The following PDZD7 variants were observed in gnomAD, a reference collection of about 807,000 sequenced individuals.
The protein encoded by PDZD7 is PDZ domain containing 7, also known as PDZ domain-containing protein 7.
In PDZD7, 72 loss-of-function variants were observed where a neutral mutation model predicts 84.7. The observed-to-expected ratio is 0.85, with a 90% CI of 0.70 to 1.03. The LOEUF (loss-of-function observed/expected upper bound fraction) is 1.03. Ranked by LOEUF, PDZD7 falls within the 50% of genes least tolerant of loss-of-function variation. The pLI is 0.00. For synonymous variants in PDZD7, 594 were observed against 580.7 expected, an observed-to-expected ratio of 1.02 and a Z score of -0.33; for missense variants, 1,490 against 1,412.9, an observed-to-expected ratio of 1.05 and a Z score of -0.87.
At chr10:101,008,986 A>G in intron 16 of PDZD7, 136 bp from the exon 17 acceptor site, 4 of 1,179,086 alleles carry the variant, frequency 3.4e-6, no homozygotes, top group African/African-American at 1.5e-5. Flanking sequence ...ATGGACAATG[A>G]GACTTTTGTG....
rs376415049 is a variant in PDZD7, at chr10:101,013,039, A to G, written c.1750-781T>C. Among the ~76,000 whole-genome samples the G allele has an allele frequency of 1.2e-4, 18 of 152,344 alleles. No homozygotes were observed. In the South Asian group the frequency reaches 3.5e-3, roughly 30 times the overall value. On this transcript the variant is annotated intron_variant, in intron 11 of 16. Transcript: ENST00000619208. The stretch of plus-strand genomic sequence containing the variant: ...GAGACTGAGTCAGGGACACGCACGC[A>G]TAGAACACTTTCTATGGGCACAGGC...
At chr10:101,018,418 C>T in intron 8 of PDZD7, 122 bp from the exon 9 acceptor site, 1 of 1,064,990 alleles carries the variant, frequency 9.4e-7, no homozygotes, top group East Asian at 2.6e-5. Context: ...TCTGCAGCTA[C>T]GCCGGGGTGA....
chr10:101,025,301 C>G (rs1937624784), intron 2 of PDZD7, among the ~76,000 whole-genome samples: 1 of 152,006 alleles, frequency 6.6e-6, no homozygotes, highest in Non-Finnish European at 1.5e-5. Context: ...CTTCGGCCTC[C>G]CAGGTTTAAG....
rs750529096 is a variant in PDZD7 at position 101,015,694 on chromosome 10, A to G, written c.1691T>C (p.Leu564Pro). 7 of 1,550,442 alleles carry G rather than the reference A, an allele frequency of 4.5e-6. No individual in the cohort carries two copies. In the East Asian group the frequency reaches 1.5e-4, roughly 32 times the overall value. Residue 564 changes from leucine (L) to proline (P), a missense_variant, in exon 11 of 17, where the codon CTG becomes CCG. Transcript: ENST00000619208. The part of the protein sequence containing the change: ...WESRRPLIQD[L>P]AQRLLTDDEV... The stretch of plus-strand genomic sequence containing the variant: ...GTCATCAGTCAGCAGCCTCTGGGCC[A>G]GGTCCTGAATGAGGGGCCGCCGGCT...
At chr10:101,010,949 T>G in intron 14 of PDZD7, 66 bp from the exon 15 acceptor site, 23 of 1,502,248 alleles carry the variant, frequency 1.5e-5, no homozygotes, top group Non-Finnish European at 1.6e-5. Flanking sequence ...CTTGCTTTGG[T>G]TTGTGTGGGG....
intron 11 of PDZD7, among the ~76,000 whole-genome samples, chr10:101,013,710 G>T (rs573484398): frequency 5.9e-5 from 9 of 152,316 alleles, no homozygotes; most frequent in African/African-American, 1.9e-4. Context: ...GTGGGAAAGT[G>T]GAGGTTGGTG....
Position 101,030,165 on chromosome 10 carries a change from A to T in PDZD7, c.55T>A (p.Ser19Thr). 3.1e-6 allele frequency: 5 copies of T among 1,613,880 alleles called. No individual in the cohort carries two copies. Among genetic ancestry groups the T allele is most frequent in the Non-Finnish European group, 4.2e-6 (5 of 1,179,950 alleles). The change falls in exon 2 of 17, where the codon TCC becomes ACC. Residue 19 changes from serine to threonine, a missense_variant. Coordinates refer to ENST00000619208, the MANE Select transcript of PDZD7 (RefSeq NM_001195263.2). Reference protein sequence around the residue: ...FDPLGLGDLSSGSLSSLSSRG... With the variant: ...FDPLGLGDLSTGSLSSLSSRG... ...GAGGAGAGGGAGCTCAGAGAGCCGGAGCTCAGGTCTCCTAGGCCCAGTGGG... is the reference window on the plus strand; with the variant it reads ...GAGGAGAGGGAGCTCAGAGAGCCGGTGCTCAGGTCTCCTAGGCCCAGTGGG...
In PDZD7 at chr10:101,010,405, C is replaced by T. The variant is rs1439270701; in HGVS notation, c.2484G>A (p.Gly828=). The T allele has an allele frequency of 6.5e-7, 1 of 1,536,086 alleles. No homozygotes were observed. Among genetic ancestry groups the T allele is most frequent in the African/African-American group, 1.4e-5 (1 of 73,050 alleles). The change falls in exon 15 of 17, where the codon GGG becomes GGA. Residue 828 remains glycine (G), a synonymous_variant. Transcript: ENST00000619208. ...ARPPLPRPLD[G]EAAKVGAKQG... is the part of the protein sequence containing the mutation. ...GCTTGGCCCCCACCTTGGCTGCCTC[C>T]CCATCCAGAGGTCGTGGCAGAGGGG...
At chr10:101,015,604 G>A in intron 11 of PDZD7, 32 bp downstream of exon 11, 1 of 1,540,060 alleles carries the variant, frequency 6.5e-7, no homozygotes, top group Non-Finnish European at 8.8e-7. Flanking sequence ...GAAGGACCGT[G>A]TGCCAGGGCT....
chr10:101,020,588 C>A, intron 7 of PDZD7, 30 bp downstream of exon 7: 5 of 1,556,928 alleles, frequency 3.2e-6, no homozygotes, highest in Non-Finnish European at 4.3e-6. Context: ...AGCCCTTTCC[C>A]TCCAACCTTG....
rs76941691 is a variant in PDZD7, at chr10:101,018,174, C to T, written c.1447G>A (p.Asp483Asn). 1,262 of 1,614,236 alleles carry T rather than the reference C, an allele frequency of 7.8e-4. 5 individuals are homozygous for T. In the African/African-American group the frequency reaches 0.014, roughly 18 times the overall value. The change falls in exon 9 of 17, where the codon GAC (aspartate) becomes AAC (asparagine). Residue 483 changes from aspartate to asparagine, a missense_variant. Coordinates refer to ENST00000619208, the MANE Select transcript of PDZD7 (RefSeq NM_001195263.2). ...KGGRQGRLAR[D>N]GRREAWTLDS... The stretch of plus-strand genomic sequence containing the variant: ...AGTGTCCAGGCCTCTCTGCGCCCGT[C>T]CCGCGCTAGCCTCCCCTGCCGCCCT...
At chr10:101,009,213 T>C (rs1238509901) in intron 16 of PDZD7, 37 bp downstream of exon 16, 29 of 1,492,542 alleles carry the variant, frequency 1.9e-5, no homozygotes, top group Non-Finnish European at 2.4e-5. Context: ...GTTTCAGCTG[T>C]GCTCTGAGAG....
rs1853148878 is a variant in PDZD7, at chr10:101,022,189, C to G, written c.719+20G>C. The G allele has an allele frequency of 1.2e-6, 2 of 1,614,094 alleles. No individual in the cohort carries two copies. The highest frequency in any genetic ancestry group is 2.7e-5 in the African/African-American group (2 of 75,052). On this transcript the variant is annotated intron_variant, in intron 5 of 16. Transcript: ENST00000619208. ...CCATTCTCAGTTCTACCCGAAGACA[C>G]TTCCTGCCTCAGCCCTCACTTGGAC... is the stretch of plus-strand genomic sequence containing the variant.
At chr10:101,016,260 C>G (rs1223356168) in intron 10 of PDZD7, 117 bp downstream of exon 10, 2 of 1,026,714 alleles carry the variant, frequency 1.9e-6, no homozygotes, top group African/African-American at 1.6e-5. Flanking sequence ...GCTGCCTGAT[C>G]CCCCATGCTT....
Position 101,029,972 on chromosome 10 carries a change from AGTG to A in PDZD7, c.226+19_226+21del. 2 of 700,362 alleles carry A rather than the reference AGTG, an allele frequency of 2.9e-6. No individual in the cohort carries two copies. Among genetic ancestry groups the A allele is most frequent in the Non-Finnish European group, 4.9e-6 (2 of 408,130 alleles). 43.4% of individuals were successfully genotyped at this position (700,362 alleles called of 1,614,324 possible). A position where few individuals can be genotyped will look rare whatever the true frequency, so the allele number is the denominator to read the frequency against. On this transcript the variant is annotated intron_variant, in intron 2 of 16. Transcript: ENST00000619208. ...ACCCCCACCCTCCCCAACCCAGGCC[AGTG>A]GCTGGGTCCCGCCCCTACCTTCGAT...
At chr10:101,011,255 T>C (rs1852384864) in intron 14 of PDZD7, 2 of 403,744 alleles carry the variant, frequency 5.0e-6, no homozygotes, top group Non-Finnish European at 8.2e-6. Context: ...TTGGCCAGGT[T>C]GGTCTCTACT....
chr10:101,028,226 T>C (rs1937833600), intron 2 of PDZD7, among the ~76,000 whole-genome samples: 2 of 152,152 alleles, frequency 1.3e-5, no homozygotes, highest in African/African-American at 4.8e-5. Context: ...CTTCCTTGGC[T>C]GCACAGTGGC....
Position 101,023,939 on chromosome 10 carries a change from C to T in PDZD7, c.356G>A (p.Gly119Asp). 6.2e-7 allele frequency: 1 copy of T among 1,614,262 alleles called. No individual in the cohort carries two copies. Residue 119 changes from glycine to aspartate, a missense_variant, in exon 3 of 17, where the codon GGC becomes GAC. By Grantham distance (94) the Gly-to-Asp change is moderately conservative (BLOSUM62 -1). Coordinates refer to ENST00000619208, the MANE Select transcript of PDZD7 (RefSeq NM_001195263.2). Reference sequence around the variant, plus strand: ...GGGGTTCTGCTTACCTGCACTGCTGCCTTCCTCCACTTTGCTGACGAAGAT... The same window carrying T: ...GGGGTTCTGCTTACCTGCACTGCTGTCTTCCTCCACTTTGCTGACGAAGAT... ...LGIFVSKVEE[G>D]SSAERAGLCV...
At chr10:101,014,987 C>T (rs1427430846) in intron 11 of PDZD7, among the ~76,000 whole-genome samples, 1 of 152,236 alleles carries the variant, frequency 6.6e-6, no homozygotes, top group Non-Finnish European at 1.5e-5. Flanking sequence ...AGTGAGTGAC[C>T]TGTGCCCCAC....
Sources: gnomAD v4.1 joint callset for allele counts (sites outside exome capture counted in the v4.1 genomes callset) on GRCh38, gnomAD v4.1.1 for gene constraint, MANE v1.5 for transcripts, NCBI Gene and HGNC (gene_info 2026-07-23, HGNC 2026-07-21) for gene names.